The following SLC26A5 variants were observed in gnomAD, a reference collection of about 807,000 sequenced individuals.
The protein encoded by SLC26A5 is prestin.
In SLC26A5, 51 loss-of-function variants were observed where a neutral mutation model predicts 81.0. The observed-to-expected ratio is 0.63, with a 90% CI of 0.50 to 0.80. The LOEUF is 0.80. Ranked by LOEUF, SLC26A5 falls within the 30% of genes least tolerant of loss-of-function variation. The probability of loss-of-function intolerance (pLI) is 0.00; values close to 1 mark genes in which losing one functional copy is unlikely to be tolerated. For missense variants in SLC26A5, 771 were observed against 905.8 expected (o/e 0.85, Z 1.91); for synonymous variants, 325 against 332.8 (o/e 0.98, Z 0.25).
At chr7:103,416,744 CCT>C (rs1241244624) in intron 4 of SLC26A5, among the ~76,000 whole-genome samples, 1 of 152,052 alleles carries the variant, frequency 6.6e-6, no homozygotes, top group African/African-American at 2.4e-5. Context: ...CCACGTGTCT[CCT>C]CTCTCATTTT....
chr7:103,359,901 G>A (rs1263627090), intron 19 of SLC26A5, among the ~76,000 whole-genome samples: 1 of 152,052 alleles, frequency 6.6e-6, no homozygotes, highest in Non-Finnish European at 1.5e-5. Flanking sequence ...CCAACATGGT[G>A]AAACCTGTCT....
At chr7:103,430,142 G>C (rs1163335974) in intron 2 of SLC26A5, among the ~76,000 whole-genome samples, 1 of 145,666 alleles carries the variant, frequency 6.9e-6, no homozygotes, top group East Asian at 2.0e-4. Context: ...GCGATGGTGT[G>C]ATCTCGGCTC....
intron 4 of SLC26A5, among the ~76,000 whole-genome samples, chr7:103,419,913 T>A (rs1222504664): frequency 6.6e-6 from 1 of 152,162 alleles, no homozygotes; most frequent in African/African-American, 2.4e-5. Flanking sequence ...AAAATTTTTA[T>A]ATGTGCTTTT....
chr7:103,413,184 G>C, intron 4 of SLC26A5, 72 bp from the exon 5 acceptor site: 1 of 1,047,622 alleles, frequency 9.5e-7, no homozygotes, highest in South Asian at 1.3e-5. Context: ...TTTTTCTCTT[G>C]GTTCTTTATT....
intron 19 of SLC26A5, chr7:103,355,100 C>T: frequency 1.6e-6 from 1 of 639,272 alleles, no homozygotes; most frequent in Non-Finnish European, 2.7e-6. Context: ...CTCATTTAAC[C>T]ATATCTTTCA....
chr7:103,442,128 C>T (rs575308180), intron 2 of SLC26A5, among the ~76,000 whole-genome samples: 1 of 141,026 alleles, frequency 7.1e-6, no homozygotes, highest in South Asian at 2.2e-4. Context: ...TCCTCCCCAC[C>T]TTCATCACTC....
chr7:103,417,386 G>T (rs1051900041), intron 4 of SLC26A5, among the ~76,000 whole-genome samples: 2 of 140,006 alleles, frequency 1.4e-5, no homozygotes, highest in East Asian at 4.2e-4. Flanking sequence ...AAAAAAAAAA[G>T]AAAAAAAAAT....
chr7:103,435,706 T>G (rs1366076949), intron 2 of SLC26A5, among the ~76,000 whole-genome samples: 2 of 152,196 alleles, frequency 1.3e-5, no homozygotes, highest in Non-Finnish European at 2.9e-5. Flanking sequence ...TCCCCATTGC[T>G]GCTAACTCCA....
At chr7:103,378,402 C>T (rs1436584486) in intron 17 of SLC26A5, 44 bp downstream of exon 17, 1 of 1,562,790 alleles carries the variant, frequency 6.4e-7, no homozygotes, top group African/African-American at 1.4e-5. Context: ...GAGGGCATTG[C>T]AGAACAAGAC....
At chr7:103,372,445 C>G (rs2116311476), downstream of SLC26A5, among the ~76,000 whole-genome samples, 1 of 152,320 alleles carries the variant, frequency 6.6e-6, no homozygotes, top group South Asian at 2.1e-4. Flanking sequence ...TCAGCAGGAA[C>G]TCTTAGCAGA....
chr7:103,411,269 T>C, intron 6 of SLC26A5, 151 bp downstream of exon 6: 4 of 767,848 alleles, frequency 5.2e-6, no homozygotes, highest in Middle Eastern at 2.5e-4. Flanking sequence ...GTTGTGAATA[T>C]GGCATGCAGT....
At chr7:103,376,939 C>T (rs1223257347) in intron 18 of SLC26A5, 77 bp from the exon 19 acceptor site, 25 of 1,002,732 alleles carry the variant, frequency 2.5e-5, no homozygotes, top group Admixed American at 1.7e-4. Flanking sequence ...CAATGTTTTT[C>T]GTGATAGAAG....
rs764291100 is a variant in SLC26A5 at position 103,377,730 on chromosome 7, T to C, written c.1855A>G (p.Ile619Val). Residue 619 changes from isoleucine (I) to valine (V), a missense_variant, in exon 18 of 20, where the codon ATA becomes GTA. Transcript: ENST00000306312. ...TCAGGAAATGTGCTTTTGATCACTATTGGGGGATATTTTACTTCACCATCC... is the reference window on the plus strand; with the variant it reads ...TCAGGAAATGTGCTTTTGATCACTACTGGGGGATATTTTACTTCACCATCC... ...EEDGEVKYPP[I>V]VIKSTFPEEM... 6 of 1,613,994 alleles carry C rather than the reference T, an allele frequency of 3.7e-6. No homozygotes were observed. Among genetic ancestry groups the C allele is most frequent in the Admixed American group, 1.7e-5 (1 of 59,994 alleles).
At chr7:103,417,368 C>CAAAAAAAAAAAAA (rs527355678) in intron 4 of SLC26A5, among the ~76,000 whole-genome samples, 1 of 65,786 alleles carries the variant, frequency 1.5e-5, no homozygotes, top group African/African-American at 4.9e-5. Context: ...GACTCTGTCT[C>CAAAAAAAAAAAAA]AAAAAAAAAA....
intron 13 of SLC26A5, 44 bp from the exon 14 acceptor site, chr7:103,389,158 T>A (rs1822440229): frequency 6.9e-7 from 1 of 1,453,560 alleles, no homozygotes; most frequent in Non-Finnish European, 9.7e-7. Context: ...ATGTTAAACA[T>A]CCCACAAGAG....
chr7:103,358,526 T>C (rs1820173046), intron 19 of SLC26A5, among the ~76,000 whole-genome samples: 1 of 152,152 alleles, frequency 6.6e-6, no homozygotes, highest in Admixed American at 6.5e-5. Context: ...TTACTTTACT[T>C]TCTATGAGCT....
chr7:103,369,188 A>C (rs944786829), intron 19 of SLC26A5: 2 of 152,244 alleles, frequency 1.3e-5, no homozygotes, highest in African/African-American at 4.8e-5. Flanking sequence ...AGCCTTTTAT[A>C]AAATCCAACC....
intron 9 of SLC26A5, among the ~76,000 whole-genome samples, chr7:103,395,584 C>T (rs1292069691): frequency 4.2e-5 from 6 of 143,818 alleles, no homozygotes; most frequent in South Asian, 2.2e-4. Flanking sequence ...AATGCCATGG[C>T]GTGATCTTGA....
intron 4 of SLC26A5, among the ~76,000 whole-genome samples, chr7:103,420,523 A>G (rs1230841369): frequency 6.6e-6 from 1 of 151,670 alleles, no homozygotes; most frequent in African/African-American, 2.4e-5. Context: ...CTGGTCTCCA[A>G]CTCCCAGTCT....
Sources: gnomAD v4.1 joint callset for allele counts (sites outside exome capture counted in the v4.1 genomes callset) on GRCh38, gnomAD v4.1.1 for gene constraint, MANE v1.5 for transcripts, NCBI Gene and HGNC (gene_info 2026-07-23, HGNC 2026-07-21) for gene names.